The following CREM variants were observed in gnomAD, a reference collection of about 807,000 sequenced individuals.
The protein encoded by CREM is cAMP responsive element modulator.
CREM carries 13 observed loss-of-function variants against 37.3 expected under a neutral mutation model. That is an observed-to-expected ratio of 0.35 (90% CI 0.23 to 0.55). The LOEUF is 0.55. CREM is among the 20% of genes least tolerant of loss of function. The pLI is 0.88. For synonymous variants in CREM, 124 were observed against 120.2 expected, an observed-to-expected ratio of 1.03 and a Z score of -0.21; for missense variants, 296 against 362.3, an observed-to-expected ratio of 0.82 and a Z score of 1.49.
At chr10:35,129,468 A>T (rs896404540) in intron 1 of CREM, among the ~76,000 whole-genome samples, 17 of 152,198 alleles carry the variant, frequency 1.1e-4, no homozygotes, top group African/African-American at 3.1e-4. Context: ...TTATTAACAT[A>T]TATAAGGAAT....
At chr10:35,144,800 G>C (rs16935889) in intron 2 of CREM, among the ~76,000 whole-genome samples, 22,726 of 150,858 alleles carry the variant, frequency 0.15, 1,936 homozygotes, top group East Asian at 0.24. Context: ...TGTCCTTAAA[G>C]TATACTGAAC....
chr10:35,135,656 A>G (rs967896239), intron 1 of CREM, among the ~76,000 whole-genome samples: 25 of 139,768 alleles, frequency 1.8e-4, no homozygotes, highest in African/African-American at 6.3e-4. Context: ...TTGGGAGGCT[A>G]TGGTGGGAGG....
intron 3 of CREM, chr10:35,154,005 C>G: frequency 7.5e-6 from 3 of 398,050 alleles, no homozygotes; most frequent in Non-Finnish European, 1.3e-5. Context: ...GTGACTGACT[C>G]TTCTGAATTT....
intron 5 of CREM, among the ~76,000 whole-genome samples, chr10:35,182,083 G>T (rs1391316912): frequency 6.6e-6 from 1 of 152,136 alleles, no homozygotes; most frequent in Non-Finnish European, 1.5e-5. Flanking sequence ...ATGCATTTTG[G>T]GGACATTTAG....
chr10:35,174,136 A>G (rs564457278), intron 3 of CREM, among the ~76,000 whole-genome samples: 12 of 152,314 alleles, frequency 7.9e-5, no homozygotes, highest in African/African-American at 2.2e-4. Context: ...TGTGGGCTAC[A>G]TATTGGTTGC....
chr10:35,204,109 T>A (rs2095458703), intron 6 of CREM, among the ~76,000 whole-genome samples: 1 of 152,220 alleles, frequency 6.6e-6, no homozygotes, highest in African/African-American at 2.4e-5. Flanking sequence ...CTCCACTCCA[T>A]CTCTTCTGAC....
Position 35,212,401 on chromosome 10 carries a change from T to C in CREM, c.*1003T>C, listed in dbSNP as rs1804133437. On this transcript the variant is annotated 3_prime_UTR_variant, in exon 8 of 8. Coordinates refer to ENST00000685392, the MANE Select transcript of CREM (RefSeq NM_183011.2). ...TGCACTTTGTAGTGTTTGGTGCTCA[T>C]TTAAATATCTGAACATTTACTACAG... is the stretch of plus-strand genomic sequence containing the variant. 6.6e-6 allele frequency: 1 copy of C among 152,594 alleles called. No individual in the cohort carries two copies. The highest frequency in any genetic ancestry group is 2.4e-5 in the African/African-American group (1 of 41,462). 9.5% of individuals were successfully genotyped at this position (152,594 alleles called of 1,614,324 possible).
chr10:35,176,428 G>A (rs1418403734), intron 3 of CREM, among the ~76,000 whole-genome samples: 5 of 131,488 alleles, frequency 3.8e-5, no homozygotes, highest in East Asian at 4.5e-4. Flanking sequence ...TTTTTTTTGA[G>A]ACAGAGTCTC....
chr10:35,140,122 T>G (rs1026273616), intron 2 of CREM, among the ~76,000 whole-genome samples: 3 of 152,194 alleles, frequency 2.0e-5, no homozygotes, highest in Admixed American at 6.6e-5. Flanking sequence ...AGTGTTGACC[T>G]TTTTTGTAGA....
chr10:35,191,284 G>C (rs1406119002), intron 6 of CREM, among the ~76,000 whole-genome samples: 1 of 151,774 alleles, frequency 6.6e-6, no homozygotes, highest in East Asian at 1.9e-4. Context: ...ATTTTAAGTC[G>C]ATCTTTTATC....
At chr10:35,145,160 C>CAAAA (rs34802396) in intron 2 of CREM, among the ~76,000 whole-genome samples, 7 of 67,836 alleles carry the variant, frequency 1.0e-4, no homozygotes, top group East Asian at 4.2e-4. Flanking sequence ...GACACTGTCT[C>CAAAA]AAAAAAAAAA....
intron 1 of CREM, among the ~76,000 whole-genome samples, chr10:35,128,906 G>A (rs1269100252): frequency 6.6e-6 from 1 of 152,138 alleles, no homozygotes; most frequent in African/African-American, 2.4e-5. Flanking sequence ...TCAATCTAAA[G>A]TAATTTTTTT....
At chr10:35,169,997 C>CAAGCTGGAG (rs1167597262) in intron 3 of CREM, among the ~76,000 whole-genome samples, 3 of 143,042 alleles carry the variant, frequency 2.1e-5, no homozygotes, top group Non-Finnish European at 4.5e-5. Flanking sequence ...GAGTCTCGCT[C>CAAGCTGGAG]TTTTGCCCAA....
chr10:35,193,683 T>C (rs16935907), intron 6 of CREM, among the ~76,000 whole-genome samples: 23,026 of 152,158 alleles, frequency 0.15, 1,969 homozygotes, highest in East Asian at 0.24. Context: ...CCTGAAACTT[T>C]ACCTCCTGAG....
chr10:35,189,869 A>G (rs1442289088), intron 6 of CREM, among the ~76,000 whole-genome samples: 1 of 152,186 alleles, frequency 6.6e-6, no homozygotes, highest in Admixed American at 6.6e-5. Flanking sequence ...GCATATTATA[A>G]TTGATGAGTC....
intron 2 of CREM, among the ~76,000 whole-genome samples, chr10:35,147,372 T>TA (rs1232502659): frequency 6.6e-6 from 1 of 152,076 alleles, no homozygotes; most frequent in Non-Finnish European, 1.5e-5. Context: ...TTTTAAATTT[T>TA]AGTTTTGTTT....
intron 5 of CREM, among the ~76,000 whole-genome samples, chr10:35,187,217 T>TTA (rs1170007642): frequency 8.8e-5 from 9 of 102,590 alleles, no homozygotes; most frequent in African/African-American, 3.7e-4. Flanking sequence ...TATTATATAT[T>TTA]TATATATATA....
At chr10:35,172,480 G>C (rs1040342539) in intron 3 of CREM, among the ~76,000 whole-genome samples, 20 of 152,070 alleles carry the variant, frequency 1.3e-4, no homozygotes, top group African/African-American at 4.8e-4. Context: ...CAGTGGTGGT[G>C]GGGGAGTGGT....
At chr10:35,138,427 A>T (rs1240583498) in intron 2 of CREM, among the ~76,000 whole-genome samples, 1 of 152,032 alleles carries the variant, frequency 6.6e-6, no homozygotes, top group Non-Finnish European at 1.5e-5. Flanking sequence ...TTCCAATTGG[A>T]TTCTATTTTT....
Sources: allele counts gnomAD v4.1 joint callset (sites outside exome capture counted in the v4.1 genomes callset), GRCh38; gene constraint gnomAD v4.1.1; transcripts MANE v1.5; gene names NCBI Gene and HGNC (gene_info 2026-07-23, HGNC 2026-07-21).